DENND5A: variants seen among roughly 807,000 people sequenced by gnomAD.
DENND5A encodes DENN domain containing 5A.
Under a neutral mutation model 140.3 loss-of-function variants are expected in DENND5A, and 64 were observed. The observed-to-expected ratio is 0.46, with a 90% CI of 0.37 to 0.56. The LOEUF is 0.56. DENND5A is among the 20% of genes least tolerant of loss of function. The pLI is 0.00. For missense variants in DENND5A, 1,292 were observed against 1,593.8 expected (o/e 0.81, Z 3.22); for synonymous variants, 605 against 607.7 (o/e 1.00, Z 0.07).
At chr11:9,205,565 G>T (rs1375466876) in intron 3 of DENND5A, among the ~76,000 whole-genome samples, 1 of 152,074 alleles carries the variant, frequency 6.6e-6, no homozygotes, top group Non-Finnish European at 1.5e-5. Context: ...CATCAAACAA[G>T]ACCATCCTCT....
intron 1 of DENND5A, among the ~76,000 whole-genome samples, chr11:9,255,801 G>GT (rs956502549): frequency 1.3e-5 from 2 of 151,884 alleles, no homozygotes; most frequent in African/African-American, 4.8e-5. Flanking sequence ...GGAGGCAGAG[G>GT]TTGCAGTGAG....
At chr11:9,147,721 T>C (rs1590206914) in intron 15 of DENND5A, among the ~76,000 whole-genome samples, 2 of 152,228 alleles carry the variant, frequency 1.3e-5, no homozygotes, top group Admixed American at 1.3e-4. Context: ...ATGCAGATCA[T>C]ATCCTTCCCC....
intron 12 of DENND5A, among the ~76,000 whole-genome samples, chr11:9,157,260 A>G (rs948133276): frequency 6.6e-6 from 1 of 152,234 alleles, no homozygotes; most frequent in Non-Finnish European, 1.5e-5. Context: ...CATATGTTGG[A>G]TACTTATCAC....
chr11:9,259,891 T>G (rs748685623), intron 1 of DENND5A, among the ~76,000 whole-genome samples: 1 of 151,882 alleles, frequency 6.6e-6, no homozygotes, highest in Non-Finnish European at 1.5e-5. Context: ...TAGCCAGGTG[T>G]GCTAGTGCAC....
intron 1 of DENND5A, among the ~76,000 whole-genome samples, chr11:9,238,621 A>G (rs1459814743): frequency 6.6e-6 from 1 of 151,754 alleles, no homozygotes; most frequent in Non-Finnish European, 1.5e-5. Context: ...TCACCATGTT[A>G]GCCAGGATGG....
intron 8 of DENND5A, chr11:9,171,905 T>C (rs1848386636): frequency 6.6e-6 from 1 of 151,940 alleles, no homozygotes; most frequent in African/African-American, 2.4e-5. Flanking sequence ...ACTAGAAACA[T>C]GGAACTCAAA....
chr11:9,168,458 C>T (rs763494513), intron 10 of DENND5A, among the ~76,000 whole-genome samples: 1 of 152,170 alleles, frequency 6.6e-6, no homozygotes, highest in Non-Finnish European at 1.5e-5. Context: ...TTGTAAATTG[C>T]CCAGTCTTGT....
chr11:9,230,032 G>GTAGC (rs1449068659), intron 1 of DENND5A, among the ~76,000 whole-genome samples: 4 of 148,714 alleles, frequency 2.7e-5, no homozygotes, highest in Non-Finnish European at 4.4e-5. Context: ...AGCCTCCCGA[G>GTAGC]TAGCTGGGTG....
At chr11:9,146,810 A>C (rs1046654707) in intron 16 of DENND5A, 2 of 514,598 alleles carry the variant, frequency 3.9e-6, no homozygotes, top group Middle Eastern at 1.1e-3. Context: ...CACAATGGCA[A>C]AAAAGACTGA....
chr11:9,222,116 G>A (rs1399222954), intron 1 of DENND5A, among the ~76,000 whole-genome samples: 7 of 152,136 alleles, frequency 4.6e-5, no homozygotes, highest in Admixed American at 1.3e-4. Flanking sequence ...GAGGACATGA[G>A]CTTTTTCTAA....
At chr11:9,189,013 C>T (rs1564905086) in intron 5 of DENND5A, among the ~76,000 whole-genome samples, 1 of 152,346 alleles carries the variant, frequency 6.6e-6, no homozygotes, top group East Asian at 1.9e-4. Flanking sequence ...CAGCCCCTCC[C>T]TTTACAGGCC....
chr11:9,263,667 C>T (rs1349146054), intron 1 of DENND5A, among the ~76,000 whole-genome samples: 2 of 146,212 alleles, frequency 1.4e-5, no homozygotes, highest in African/African-American at 4.9e-5. Context: ...AAGGTGAAAC[C>T]CCGTCTCTAC....
In DENND5A at chr11:9,163,709, C is replaced by T. The variant is rs537769154; in HGVS notation, c.2283+2127G>A. ...ATCCCAGCCACTCGGGAGGCTAAGG[C>T]ACGAGAATTGCTTGAACCTGGGAGG... On this transcript the variant is annotated intron_variant, in intron 11 of 22. Coordinates refer to ENST00000328194, the MANE Select transcript of DENND5A (RefSeq NM_015213.4). 1.7e-4 allele frequency among the ~76,000 whole-genome samples: 26 copies of T among 151,150 alleles called. 1 individual carries two copies. The South Asian group carries it at 5.4e-3, about 32-fold the overall frequency.
At chr11:9,152,997 CA>C (rs112900005) in intron 12 of DENND5A, among the ~76,000 whole-genome samples, 63 of 107,108 alleles carry the variant, frequency 5.9e-4, no homozygotes, top group Admixed American at 7.2e-4. Context: ...GACGCCGTCT[CA>C]AAAAAAAAAA....
intron 4 of DENND5A, among the ~76,000 whole-genome samples, chr11:9,202,233 A>G: frequency 6.6e-6 from 1 of 152,236 alleles, no homozygotes; most frequent in East Asian, 1.9e-4. Context: ...AATGCATGAT[A>G]TGGCACTAGA....
intron 12 of DENND5A, among the ~76,000 whole-genome samples, chr11:9,160,482 G>A (rs1308040324): frequency 6.6e-6 from 1 of 152,202 alleles, no homozygotes; most frequent in East Asian, 1.9e-4. Flanking sequence ...CTACCCCCAG[G>A]AAGAAAGATG....
chr11:9,171,986 T>G (rs1371181286), intron 8 of DENND5A: 2 of 151,782 alleles, frequency 1.3e-5, no homozygotes, highest in Admixed American at 6.6e-5. Context: ...CACTCAACAA[T>G]GCAGGAGAAA....
chr11:9,203,632 C>T (rs373666321), intron 4 of DENND5A, 28 bp downstream of exon 4: 2 of 1,581,836 alleles, frequency 1.3e-6, no homozygotes, highest in Non-Finnish European at 1.7e-6. Context: ...CTGAGGCAGG[C>T]AGAAGGCTCT....
intron 1 of DENND5A, among the ~76,000 whole-genome samples, chr11:9,250,479 A>G (rs1266631270): frequency 1.3e-5 from 2 of 152,172 alleles, no homozygotes; most frequent in Non-Finnish European, 1.5e-5. Context: ...AGGTCGCACT[A>G]CAGCTCTGCA....
Sources: gnomAD v4.1 joint callset for allele counts (sites outside exome capture counted in the v4.1 genomes callset) on GRCh38, gnomAD v4.1.1 for gene constraint, MANE v1.5 for transcripts, NCBI Gene and HGNC (gene_info 2026-07-23, HGNC 2026-07-21) for gene names.